The following SCART1 variants were observed in gnomAD, a reference collection of about 807,000 sequenced individuals.
SCART1 encodes scavenger receptor cysteine-rich domain-containing protein SCART1.
A neutral mutation model predicts 36.2 loss-of-function variants in SCART1; 62 were observed. That is an observed-to-expected ratio of 1.71 (90% CI 1.40 to 2.12). SCART1 has a LOEUF of 2.12. Ranked by LOEUF, SCART1 falls within the 30% of genes most tolerant of loss-of-function variation. The probability of loss-of-function intolerance (pLI) is 0.00; values close to 1 mark genes in which losing one functional copy is unlikely to be tolerated. For missense variants in SCART1, 1,041 were observed against 540.5 expected, an observed-to-expected ratio of 1.93 and a Z score of -9.18; for synonymous variants, 487 against 238.7, an observed-to-expected ratio of 2.04 and a Z score of -9.59.
intron 6 of SCART1, chr10:133,464,191 A>AT (rs1480792940): frequency 5.6e-6 from 1 of 178,338 alleles, no homozygotes; most frequent in African/African-American, 2.4e-5. Flanking sequence ...TATATGCTGT[A>AT]TTTTCTCTAT....
In SCART1 at chr10:133,464,848, C is replaced by CTCCA; in HGVS notation, c.2213_2216dup (p.Ser740ProfsTer212). 1 of 702,926 alleles carries CTCCA rather than the reference C, an allele frequency of 1.4e-6. No homozygotes were observed. Among genetic ancestry groups the CTCCA allele is most frequent in the Non-Finnish European group, 2.6e-6 (1 of 384,990 alleles). The allele number at this position is 702,926 out of a possible 1,614,324, so 43.5% of individuals were successfully genotyped here. A position where few individuals can be genotyped will look rare whatever the true frequency, so the allele number is the denominator to read the frequency against. ...ACATCGAGTGCCGCAGGCTGCCCAA[C>CTCCA]TCCACTCTGTGGCAATGCCCTTCCC... On this transcript the variant is annotated frameshift_variant, in exon 7 of 12. Transcript: ENST00000640237. LOFTEE classifies it high-confidence loss of function.
intron 9 of SCART1, chr10:133,466,026 G>A: frequency 1.5e-6 from 1 of 658,148 alleles, no homozygotes; most frequent in Non-Finnish European, 2.8e-6. Flanking sequence ...GAAGGGGGCT[G>A]TCCCTTGAAA....
chr10:133,460,509 T>TTA (rs1554896748), intron 6 of SCART1, among the ~76,000 whole-genome samples: 1 of 132,076 alleles, frequency 7.6e-6, no homozygotes, highest in African/African-American at 2.8e-5. Flanking sequence ...TTAAAAAATA[T>TTA]TTTATATTTA....
exon 8 of SCART1, chr10:133,465,172 C>G (rs1200666761): frequency 1.4e-6 from 1 of 703,066 alleles, no homozygotes; most frequent in Non-Finnish European, 2.6e-6. Context: ...CTCGGCTGCC[C>G]AGGTACCCCT....
At chr10:133,460,007 C>A in exon 6 of SCART1, 2 of 527,736 alleles carry the variant, frequency 3.8e-6, no homozygotes, top group South Asian at 2.7e-5. Context: ...GTGGCCGCGC[C>A]CTGAGCGCCC....
exon 12 of SCART1, chr10:133,468,129 C>G (rs1199868907): frequency 1.9e-6 from 1 of 536,104 alleles, no homozygotes; most frequent in South Asian, 2.7e-5. Flanking sequence ...CTGCCTGGCT[C>G]TAAACCTCAT....
At chr10:133,460,821 C>T (rs1470792668) in intron 6 of SCART1, among the ~76,000 whole-genome samples, 1 of 151,888 alleles carries the variant, frequency 6.6e-6, no homozygotes, top group East Asian at 1.9e-4. Context: ...TCAGTGCAAC[C>T]TCTGCTTCCT....
At chr10:133,464,620 A>G (rs1366910618) in exon 7 of SCART1, 2 of 654,858 alleles carry the variant, frequency 3.1e-6, no homozygotes, top group African/African-American at 1.8e-5. Flanking sequence ...GGTGGCTCTG[A>G]GGCTGCGAGG....
exon 3 of SCART1, chr10:133,457,288 T>A (rs1455239222): frequency 4.3e-6 from 3 of 700,720 alleles, no homozygotes; most frequent in African/African-American, 1.7e-5. Flanking sequence ...GACGGCACTT[T>A]CCGGGAGCTC....
In SCART1 at chr10:133,454,075, G is replaced by A. The variant is rs1850579934; in HGVS notation, c.67+11G>A. The A allele has an allele frequency of 4.3e-6, 3 of 702,728 alleles. No homozygotes were observed. The African/African-American group carries it at 5.3e-5, about 12-fold the overall frequency. The allele number at this position is 702,728 out of a possible 1,614,324, so 43.5% of individuals were successfully genotyped here. On this transcript the variant is annotated intron_variant, in intron 1 of 11. Coordinates refer to ENST00000640237, the Ensembl canonical transcript of SCART1. ...GGGCAGTCCCCATTGGTAAGTTTCT[G>A]CTTCCTTCATCCATGGAACTTTCTG... is the stretch of plus-strand genomic sequence containing the variant.
chr10:133,465,160 G>T (rs1219829578), exon 8 of SCART1: 1 of 703,038 alleles, frequency 1.4e-6, no homozygotes, highest in South Asian at 1.5e-5. Context: ...TGCTCCTCCT[G>T]GCTCGGCTGC....
chr10:133,467,011 G>C, intron 10 of SCART1, 187 bp from the exon 11 acceptor site: 1 of 517,018 alleles, frequency 1.9e-6, no homozygotes. Context: ...TGCTGGCAAG[G>C]GACGGTGGCC....
intron 3 of SCART1, chr10:133,458,011 A>C (rs1195053103): frequency 3.7e-6 from 2 of 547,200 alleles, no homozygotes; most frequent in Non-Finnish European, 6.6e-6. Context: ...CTGCTGCGGT[A>C]CCCCAGAGAG....
chr10:133,467,324 G>A (rs1263336655), exon 11 of SCART1: 6 of 702,706 alleles, frequency 8.5e-6, no homozygotes, highest in African/African-American at 5.2e-5. Context: ...GAGGACGGAA[G>A]TGTGGTGAAG....
intron 9 of SCART1, 52 bp from the exon 10 acceptor site, chr10:133,466,183 G>A: frequency 2.9e-6 from 2 of 687,986 alleles, no homozygotes; most frequent in South Asian, 1.5e-5. Context: ...CCTGCTGAGG[G>A]TGTGCAGGTC....
intron 4 of SCART1, 126 bp downstream of exon 4, chr10:133,458,782 AAAG>A (rs1226486626): frequency 1.5e-5 from 10 of 672,158 alleles, no homozygotes; most frequent in Admixed American, 2.6e-5. Flanking sequence ...CTGTTGGTTG[AAAG>A]AAGCGCAGGG....
At position 133,467,773 on chromosome 10, in the gene SCART1, C is replaced by T. The variant is rs554219051; in HGVS notation, c.2963-74C>T. 86 of 588,868 alleles carry T rather than the reference C, an allele frequency of 1.5e-4. 1 individual carries two copies. The highest frequency in any genetic ancestry group is 1.0e-3 in the Admixed American group (39 of 37,398). 36.5% of individuals were successfully genotyped at this position (588,868 alleles called of 1,614,324 possible). A position where few individuals can be genotyped will look rare whatever the true frequency, so the allele number is the denominator to read the frequency against. ...GACATGTTTATGCGTTCCTGTCTTA[C>T]GGGCTTTGCCAAATGTGCTCTGGGG... On this transcript the variant is annotated intron_variant, in intron 11 of 11. Transcript: ENST00000640237.
exon 12 of SCART1, chr10:133,468,152 C>T: frequency 2.0e-6 from 1 of 492,212 alleles, no homozygotes; most frequent in Non-Finnish European, 3.7e-6. Flanking sequence ...CCTTCGAGGG[C>T]CATCTGCTGT....
chr10:133,460,142 CA>C lies in SCART1; in HGVS notation c.1943del (p.Lys648ArgfsTer14). The C allele has an allele frequency of 3.9e-6, 2 of 511,820 alleles. No homozygotes were observed. Among genetic ancestry groups the C allele is most frequent in the Admixed American group, 4.1e-5 (1 of 24,574 alleles). The allele number at this position is 511,820 out of a possible 1,614,324, so 31.7% of individuals were successfully genotyped here. A position where few individuals can be genotyped will look rare whatever the true frequency, so the allele number is the denominator to read the frequency against. On this transcript the variant is annotated frameshift_variant, in exon 6 of 12. Coordinates refer to ENST00000640237, the Ensembl canonical transcript of SCART1. LOFTEE classifies it high-confidence loss of function. ...GCTGGGGGCGGCACGACTGGAGGCA[CA>C]AGGAGGACGCCGGCGTCTTCTGCTC...
Sources: allele counts gnomAD v4.1 joint callset (sites outside exome capture counted in the v4.1 genomes callset), GRCh38; gene constraint gnomAD v4.1.1; transcripts MANE v1.5; gene names NCBI Gene and HGNC (gene_info 2026-07-23, HGNC 2026-07-21).